The following CPS1 variants were observed in gnomAD, a reference collection of about 807,000 sequenced individuals.
The protein encoded by CPS1 is carbamoyl-phosphate synthase [ammonia], mitochondrial.
A neutral mutation model predicts 174.6 loss-of-function variants in CPS1; 109 were observed. The ratio of observed to expected loss-of-function variants is 0.62; its 90% CI spans 0.53 to 0.73. CPS1 has a LOEUF of 0.73. Ranked by LOEUF, CPS1 falls within the 30% of genes least tolerant of loss-of-function variation. The pLI is 0.00. For missense variants in CPS1, 1,689 were observed against 1,821.9 expected, an observed-to-expected ratio of 0.93 and a Z score of 1.33; for synonymous variants, 637 against 632.0, an observed-to-expected ratio of 1.01 and a Z score of -0.12.
intron 27 of CPS1, 100 bp from the exon 28 acceptor site, chr2:210,650,263 C>A: frequency 2.1e-6 from 2 of 955,722 alleles, no homozygotes; most frequent in South Asian, 1.3e-5. Context: ...TCTTATTCAG[C>A]CCCGACTGGA....
intron 30 of CPS1, among the ~76,000 whole-genome samples, chr2:210,657,161 C>T (rs1237792879): frequency 6.6e-6 from 1 of 152,106 alleles, no homozygotes; most frequent in East Asian, 1.9e-4. Flanking sequence ...CTATGCTTTC[C>T]CTTCTCACCC....
At chr2:210,535,819 GTT>G (rs67369344) in intron 1 of CPS1, among the ~76,000 whole-genome samples, 10,242 of 117,878 alleles carry the variant, frequency 0.087, 279 homozygotes, top group East Asian at 0.2. Context: ...CTTTTTCCTT[GTT>G]TTTTTTTTTT....
intron 1 of CPS1, among the ~76,000 whole-genome samples, chr2:210,567,836 A>G (rs1367388524): frequency 3.3e-5 from 5 of 152,136 alleles, no homozygotes; most frequent in African/African-American, 1.2e-4. Context: ...TATGTGAAAT[A>G]TTTGTCTTTG....
intron 1 of CPS1, among the ~76,000 whole-genome samples, chr2:210,539,398 T>C (rs1391112597): frequency 6.6e-6 from 1 of 152,194 alleles, no homozygotes. Context: ...TTATCCGCAG[T>C]AGTTTCAAAT....
intron 1 of CPS1, among the ~76,000 whole-genome samples, chr2:210,562,350 G>A (rs1366484414): frequency 6.6e-6 from 1 of 152,120 alleles, no homozygotes; most frequent in Non-Finnish European, 1.5e-5. Flanking sequence ...TGAGAATGTG[G>A]TAAGGCCTAA....
At chr2:210,630,789 T>C (rs1699841361) in intron 21 of CPS1, among the ~76,000 whole-genome samples, 1 of 152,180 alleles carries the variant, frequency 6.6e-6, no homozygotes, top group African/African-American at 2.4e-5. Context: ...GCAACTTGTC[T>C]CCTTGAATGA....
chr2:210,513,343 G>A (rs910175722), intron 1 of CPS1, among the ~76,000 whole-genome samples: 1 of 151,540 alleles, frequency 6.6e-6, no homozygotes, highest in African/African-American at 2.4e-5. Context: ...CAGCATCTGT[G>A]TTTTTTGACT....
chr2:210,486,099 TATATACACACACAC>T (rs1364319591), intron 1 of CPS1, among the ~76,000 whole-genome samples: 1 of 124,222 alleles, frequency 8.1e-6, no homozygotes, highest in African/African-American at 3.0e-5. Context: ...TATACATATA[TATATACACACACAC>T]ATACACACAC....
intron 15 of CPS1, among the ~76,000 whole-genome samples, 182 bp from the exon 16 acceptor site, chr2:210,602,019 AT>A (rs1467073919): frequency 6.6e-6 from 1 of 151,850 alleles, no homozygotes; most frequent in Non-Finnish European, 1.5e-5. Flanking sequence ...CCCTTCTAGA[AT>A]TTTACTTAAC....
intron 16 of CPS1, 45 bp downstream of exon 16, chr2:210,602,375 G>A (rs1485500693): frequency 1.4e-5 from 22 of 1,609,770 alleles, no homozygotes; most frequent in Non-Finnish European, 1.8e-5. Context: ...AAAAAAACTG[G>A]CTTGATAGAC....
intron 1 of CPS1, among the ~76,000 whole-genome samples, chr2:210,511,689 G>T (rs1695499764): frequency 1.3e-5 from 2 of 152,026 alleles, no homozygotes; most frequent in Non-Finnish European, 2.9e-5. Flanking sequence ...AATGAGACAA[G>T]GACGGTAATG....
chr2:210,630,816 AT>A lies in CPS1; in HGVS notation c.2688-6883del, dbSNP rs1036666028. Among the ~76,000 whole-genome samples the A allele has an allele frequency of 2.9e-4, 44 of 152,156 alleles. 1 individual carries two copies. The highest frequency in any genetic ancestry group is 4.4e-5 in the Non-Finnish European group (3 of 68,032). Reference sequence around the variant, plus strand: ...CTTGAATGAAGAGAGGTGACAAATAATTTCTCCACTGATGGCATTATTGTGA... The same window carrying A: ...CTTGAATGAAGAGAGGTGACAAATAATTCTCCACTGATGGCATTATTGTGA... On this transcript the variant is annotated intron_variant, in intron 21 of 37. Coordinates refer to ENST00000233072, the MANE Select transcript of CPS1 (RefSeq NM_001875.5).
intron 32 of CPS1, among the ~76,000 whole-genome samples, chr2:210,662,037 C>T (rs558945286): frequency 2.0e-5 from 3 of 150,784 alleles, no homozygotes; most frequent in Non-Finnish European, 4.4e-5. Context: ...CCCAAGTAGC[C>T]CCCAGGTAGC....
chr2:210,621,502 C>T lies in CPS1; in HGVS notation c.2687+4961C>T, dbSNP rs563557208. ...TTTTAGTCTATTTTTCCCATACTCA[C>T]TCTCCCAATGCCGACGCTTTCACAT... On this transcript the variant is annotated intron_variant, in intron 21 of 37. Transcript: ENST00000233072. Among the ~76,000 whole-genome samples, 156 of 152,242 alleles carry T rather than the reference C, an allele frequency of 1.0e-3. 1 individual carries two copies. The highest frequency in any genetic ancestry group is 1.2e-3 in the South Asian group (6 of 4,830).
rs1040018967 is a variant in CPS1, at chr2:210,484,300, G to A, written c.3+6534G>A. Among the ~76,000 whole-genome samples, 3 of 152,242 alleles carry A rather than the reference G, an allele frequency of 2.0e-5. No individual in the cohort carries two copies. In the East Asian group the frequency reaches 5.8e-4, roughly 29 times the overall value. Reference sequence around the variant, plus strand: ...CAGCACTTTCACATAAATGCCAGGAGCCCAGCTGGAGCACAGAGAGGGGTC... The same window carrying A: ...CAGCACTTTCACATAAATGCCAGGAACCCAGCTGGAGCACAGAGAGGGGTC... On this transcript the variant is annotated intron_variant, in intron 1 of 38. Coordinates refer to the CPS1 transcript ENST00000430249.
At chr2:210,627,981 G>C (rs1258505430) in intron 21 of CPS1, among the ~76,000 whole-genome samples, 1 of 151,974 alleles carries the variant, frequency 6.6e-6, no homozygotes, top group African/African-American at 2.4e-5. Flanking sequence ...TATTTTATCT[G>C]GCTGATGAGT....
At chr2:210,559,158 T>G (rs965210132) in intron 1 of CPS1, among the ~76,000 whole-genome samples, 4 of 152,114 alleles carry the variant, frequency 2.6e-5, no homozygotes, top group African/African-American at 9.7e-5. Flanking sequence ...CATCATATTT[T>G]AAAGATAGTT....
chr2:210,482,602 T>G (rs1264225031), intron 1 of CPS1, among the ~76,000 whole-genome samples: 1 of 152,110 alleles, frequency 6.6e-6, no homozygotes, highest in African/African-American at 2.4e-5. Flanking sequence ...CACCTGAATC[T>G]TAATCTTAAT....
chr2:210,569,628 A>G (rs557669862), intron 1 of CPS1, among the ~76,000 whole-genome samples: 15 of 152,092 alleles, frequency 9.9e-5, no homozygotes, highest in Non-Finnish European at 2.1e-4. Context: ...ATTTATCTAC[A>G]GAGCCTAGCA....
Sources: allele counts gnomAD v4.1 joint callset (sites outside exome capture counted in the v4.1 genomes callset), GRCh38; gene constraint gnomAD v4.1.1; transcripts MANE v1.5; gene names NCBI Gene and HGNC (gene_info 2026-07-23, HGNC 2026-07-21).